CUX1: variants seen among roughly 807,000 people sequenced by gnomAD.
CUX1 encodes the protein protein CASP.
Under a neutral mutation model 158.8 loss-of-function variants are expected in CUX1, and 31 were observed. That is an observed-to-expected ratio of 0.20 (90% confidence interval 0.15 to 0.26). The LOEUF (loss-of-function observed/expected upper bound fraction) is 0.26, where lower values mean the gene tolerates loss of function less well. CUX1 is among the 10% of genes least tolerant of loss of function. CUX1 has a pLI of 1.00. For missense variants in CUX1, 1,589 were observed against 2,014.6 expected (o/e 0.79, Z 4.04); for synonymous variants, 879 against 862.1 (o/e 1.02, Z -0.34).
intron 4 of CUX1, among the ~76,000 whole-genome samples, chr7:102,084,841 T>A (rs1554479858): frequency 6.6e-6 from 1 of 150,534 alleles, no homozygotes; most frequent in Non-Finnish European, 1.5e-5. Context: ...TATAATGCTG[T>A]ATATTTATTT....
At chr7:102,280,588 G>A (rs1387501954) in intron 19 of CUX1, among the ~76,000 whole-genome samples, 7 of 152,190 alleles carry the variant, frequency 4.6e-5, no homozygotes, top group South Asian at 2.1e-4. Context: ...CTGCAGAGGC[G>A]GGGAGGGGCT....
intron 23 of CUX1, among the ~76,000 whole-genome samples, chr7:102,244,936 C>A: frequency 6.6e-6 from 1 of 152,174 alleles, no homozygotes; most frequent in East Asian, 1.9e-4. Flanking sequence ...AATATGGAGA[C>A]AAATCTAGGC....
intron 20 of CUX1, among the ~76,000 whole-genome samples, chr7:102,223,950 G>GGA (rs1371814046): frequency 7.9e-5 from 12 of 152,040 alleles, no homozygotes; most frequent in African/African-American, 2.9e-4. Context: ...GGCAACAGAG[G>GGA]GAGACTCTGT....
At chr7:102,210,604 C>A (rs1796415581) in intron 20 of CUX1, among the ~76,000 whole-genome samples, 1 of 152,208 alleles carries the variant, frequency 6.6e-6, no homozygotes, top group Non-Finnish European at 1.5e-5. Flanking sequence ...TGTATTATGG[C>A]TATCCAGGTG....
intron 1 of CUX1, among the ~76,000 whole-genome samples, chr7:101,868,576 T>G (rs1798159461): frequency 6.6e-6 from 1 of 152,222 alleles, no homozygotes; most frequent in South Asian, 2.1e-4. Context: ...CAGCCAGCCC[T>G]GTGCCCTGTG....
downstream of CUX1, among the ~76,000 whole-genome samples, chr7:102,262,236 T>G (rs553857736): frequency 6.6e-6 from 1 of 152,162 alleles, no homozygotes; most frequent in Non-Finnish European, 1.5e-5. Context: ...ACCCTGTCTC[T>G]ACTAAAAAGA....
chr7:101,926,717 C>T (rs1805635690), intron 2 of CUX1, among the ~76,000 whole-genome samples: 1 of 152,150 alleles, frequency 6.6e-6, no homozygotes, highest in African/African-American at 2.4e-5. Context: ...GTGCAGTGAC[C>T]TTGAGCAAGG....
At chr7:102,134,267 G>A (rs1231785710) in intron 8 of CUX1, among the ~76,000 whole-genome samples, 12 of 152,152 alleles carry the variant, frequency 7.9e-5, no homozygotes, top group South Asian at 2.1e-4. Flanking sequence ...AACCCGGGAG[G>A]TGGAGGTTGC....
At chr7:102,148,386 A>C (rs1835238109) in intron 8 of CUX1, among the ~76,000 whole-genome samples, 2 of 152,104 alleles carry the variant, frequency 1.3e-5, no homozygotes, top group Admixed American at 1.3e-4. Flanking sequence ...TAAAAATACA[A>C]AAATTAGCCA....
At chr7:102,075,167 A>G (rs1000702099) in intron 4 of CUX1, among the ~76,000 whole-genome samples, 1 of 151,950 alleles carries the variant, frequency 6.6e-6, no homozygotes, top group Non-Finnish European at 1.5e-5. Context: ...CTGTGTTCTG[A>G]GCATTTTGTC....
Position 102,082,956 on chromosome 7 carries a change from A to G in CUX1, c.268+12539A>G, listed in dbSNP as rs139357381. Among the ~76,000 whole-genome samples, 202 of 147,602 alleles carry G rather than the reference A, an allele frequency of 1.4e-3. 18 individuals are homozygous for G. In the East Asian group the frequency reaches 0.017, roughly 12 times the overall value. ...TATATGTTTTTATTTCCCTTAGGCAAATACTTAGGATGAGGGTCAGGGAAC... is the reference window on the plus strand; with the variant it reads ...TATATGTTTTTATTTCCCTTAGGCAGATACTTAGGATGAGGGTCAGGGAAC... On this transcript the variant is annotated intron_variant, in intron 4 of 23. Transcript: ENST00000292535.
At chr7:102,106,250 C>T (rs781846176) in intron 6 of CUX1, among the ~76,000 whole-genome samples, 2 of 151,824 alleles carry the variant, frequency 1.3e-5, no homozygotes, top group Non-Finnish European at 2.9e-5. Context: ...CCACCACGCC[C>T]AGCTAATTTT....
At chr7:102,273,294 G>A (rs1791360117) in intron 14 of CUX1, 4 of 1,564,862 alleles carry the variant, frequency 2.6e-6, no homozygotes, top group Admixed American at 1.8e-5. Context: ...GGGTTGGAGA[G>A]GCAGAACCAG....
At chr7:102,206,835 G>T (rs1262114549) in intron 20 of CUX1, among the ~76,000 whole-genome samples, 2 of 152,094 alleles carry the variant, frequency 1.3e-5, no homozygotes, top group Admixed American at 6.6e-5. Flanking sequence ...GGAGGCGGAG[G>T]TTGCAGTGAG....
At chr7:101,914,700 T>C (rs1803967677) in intron 1 of CUX1, among the ~76,000 whole-genome samples, 1 of 151,982 alleles carries the variant, frequency 6.6e-6, no homozygotes, top group Non-Finnish European at 1.5e-5. Flanking sequence ...GGTTTCTCCA[T>C]GTTGGCCAGG....
At chr7:102,101,667 T>C (rs1276464049) in intron 5 of CUX1, among the ~76,000 whole-genome samples, 2 of 152,038 alleles carry the variant, frequency 1.3e-5, no homozygotes, top group Non-Finnish European at 2.9e-5. Context: ...CCCAGCACTT[T>C]AGGAGGCCGA....
At position 102,048,592 on chromosome 7, in the gene CUX1, G is replaced by A. The variant is rs1196470297; in HGVS notation, c.189+20447G>A. Among the ~76,000 whole-genome samples, 3 of 152,158 alleles carry A rather than the reference G, an allele frequency of 2.0e-5. No homozygotes were observed. In the East Asian group the frequency reaches 5.8e-4, roughly 29 times the overall value. On this transcript the variant is annotated intron_variant, in intron 3 of 23. Coordinates refer to ENST00000292535, the MANE Select transcript of CUX1 (RefSeq NM_181552.4). Reference sequence around the variant, plus strand: ...GCCTGTAATCCCAGCAATTTGGGAGGCCAAGGCGGGTGGATTACCTGAGGT... The same window carrying A: ...GCCTGTAATCCCAGCAATTTGGGAGACCAAGGCGGGTGGATTACCTGAGGT...
At chr7:102,044,223 CAGGCTGGAG>C (rs1215229645) in intron 3 of CUX1, among the ~76,000 whole-genome samples, 1 of 151,646 alleles carries the variant, frequency 6.6e-6, no homozygotes, top group African/African-American at 2.4e-5. Flanking sequence ...CTCTGTCGCC[CAGGCTGGAG>C]AGGCTGGAGT....
At chr7:101,839,407 C>G (rs940017845) in intron 1 of CUX1, among the ~76,000 whole-genome samples, 1 of 152,034 alleles carries the variant, frequency 6.6e-6, no homozygotes, top group African/African-American at 2.4e-5. Context: ...GTCCTTCTTT[C>G]ACGAAGCACC....
Sources: allele counts gnomAD v4.1 joint callset (sites outside exome capture counted in the v4.1 genomes callset), GRCh38; gene constraint gnomAD v4.1.1; transcripts MANE v1.5; gene names NCBI Gene and HGNC (gene_info 2026-07-23, HGNC 2026-07-21).